SYNE2: variants seen among roughly 807,000 people sequenced by gnomAD.
SYNE2 encodes the protein nesprin-2.
SYNE2 carries 431 observed loss-of-function variants against 856.3 expected under a neutral mutation model. The ratio of observed to expected loss-of-function variants is 0.50; its 90% CI spans 0.47 to 0.55. SYNE2 has a LOEUF of 0.55. Ranked by LOEUF, SYNE2 falls within the 20% of genes least tolerant of loss-of-function variation. SYNE2 has a pLI of 0.00. For synonymous variants in SYNE2, 2,923 were observed against 2,872.3 expected (o/e 1.02, Z -0.56); for missense variants, 8,129 against 8,023.2 (o/e 1.01, Z -0.50).
intron 1 of SYNE2, among the ~76,000 whole-genome samples, chr14:63,821,264 A>G (rs1037167768): frequency 1.3e-5 from 2 of 152,192 alleles, no homozygotes; most frequent in African/African-American, 4.8e-5. Context: ...ACAGCCTGAA[A>G]TAACATTTTG....
At chr14:64,093,219 C>G (rs1247906531) in intron 60 of SYNE2, 130 bp from the exon 61 acceptor site, 1 of 1,026,798 alleles carries the variant, frequency 9.7e-7, no homozygotes. Context: ...CTACCACGTC[C>G]TATTGAAATC....
In SYNE2 at chr14:64,009,470, A is replaced by G. The variant is rs552574495; in HGVS notation, c.4578-496A>G. On this transcript the variant is annotated intron_variant, in intron 31 of 115. Transcript: ENST00000555002. ...AGAATTGCTTGAATCCAGGAGGCGG[A>G]CGTTGCAGTGAGCCAGGATCACACC... 3.4e-5 allele frequency among the ~76,000 whole-genome samples: 5 copies of G among 147,210 alleles called. No homozygotes were observed. In the South Asian group the frequency reaches 8.7e-4, roughly 26 times the overall value.
intron 108 of SYNE2, among the ~76,000 whole-genome samples, chr14:64,217,520 A>AG (rs2140310603): frequency 6.6e-6 from 1 of 152,348 alleles, no homozygotes; most frequent in South Asian, 2.1e-4. Context: ...TTTGTGTCCA[A>AG]TTCAGAAACA....
At chr14:63,780,281 C>A (rs1000507430) in intron 1 of SYNE2, among the ~76,000 whole-genome samples, 5 of 152,022 alleles carry the variant, frequency 3.3e-5, no homozygotes, top group African/African-American at 7.2e-5. Flanking sequence ...TGCCTGTAAT[C>A]CCAGCACTTT....
chr14:64,034,424 G>T lies in SYNE2; in HGVS notation c.7221+3067G>T, dbSNP rs141029006. The T allele has an allele frequency of 1.5e-3, 666 of 439,880 alleles. 5 individuals carry two copies. Among genetic ancestry groups the T allele is most frequent in the African/African-American group, 0.011 (575 of 50,450 alleles). 27.2% of individuals were successfully genotyped at this position (439,880 alleles called of 1,614,324 possible). The stretch of plus-strand genomic sequence containing the variant: ...GGCTTTTATCAGATTATTTTAAATA[G>T]ACCCCAGAAGAATTTTTAGAAAGTT... On this transcript the variant is annotated intron_variant, in intron 45 of 115. Coordinates refer to ENST00000555002, the MANE Select transcript of SYNE2 (RefSeq NM_182914.3).
chr14:63,783,480 G>T (rs1566563750), intron 1 of SYNE2, among the ~76,000 whole-genome samples: 1 of 151,964 alleles, frequency 6.6e-6, no homozygotes, highest in East Asian at 1.9e-4. Context: ...CGGGTTCAAG[G>T]AATTCTCCTG....
intron 58 of SYNE2, among the ~76,000 whole-genome samples, chr14:64,088,110 G>C (rs2097577999): frequency 6.6e-6 from 1 of 152,210 alleles, no homozygotes; most frequent in African/African-American, 2.4e-5. Context: ...TTGAACCTGG[G>C]AGGCAGAGGT....
intron 1 of SYNE2, among the ~76,000 whole-genome samples, chr14:63,867,396 AAAG>A (rs1895657055): frequency 2.7e-5 from 4 of 148,774 alleles, no homozygotes; most frequent in South Asian, 2.1e-4. Context: ...AAAAAAAAAA[AAAG>A]AGAGAGAGAG....
intron 50 of SYNE2, among the ~76,000 whole-genome samples, chr14:64,064,853 CTTTT>C (rs34550127): frequency 3.2e-5 from 4 of 123,696 alleles, no homozygotes; most frequent in Admixed American, 1.6e-4. Flanking sequence ...CACTTATAGA[CTTTT>C]TTTTTTTTTT....
intron 60 of SYNE2, 27 bp from the exon 61 acceptor site, chr14:64,093,322 T>G: frequency 6.2e-7 from 1 of 1,612,788 alleles, no homozygotes; most frequent in Non-Finnish European, 8.5e-7. Context: ...ATGACAAAGA[T>G]TCTTTTTTGT....
At chr14:64,138,016 T>A (rs369033819) in intron 79 of SYNE2, 33 bp downstream of exon 79, 3 of 1,599,168 alleles carry the variant, frequency 1.9e-6, no homozygotes, top group African/African-American at 2.7e-5. Context: ...TGGCTTCATA[T>A]TGTGCTGTGA....
At position 64,107,446 on chromosome 14, in the gene SYNE2, A is replaced by G. The variant is rs955143460; in HGVS notation, c.12493-45A>G. Reference sequence around the variant, plus strand: ...GCGCAGAAAGAAGAATTCATGTGGCACCAGGGCAGGACCCTTTCTGGAGCT... The same window carrying G: ...GCGCAGAAAGAAGAATTCATGTGGCGCCAGGGCAGGACCCTTTCTGGAGCT... On this transcript the variant is annotated intron_variant, in intron 64 of 115. Coordinates refer to ENST00000555002, the MANE Select transcript of SYNE2 (RefSeq NM_182914.3). The G allele has an allele frequency of 4.6e-6, 7 of 1,528,478 alleles. No individual in the cohort carries two copies. The African/African-American group carries it at 6.8e-5, about 15-fold the overall frequency. The allele number at this position is 1,528,478 out of a possible 1,614,324, so 94.7% of individuals were successfully genotyped here. A position where few individuals can be genotyped will look rare whatever the true frequency, so the allele number is the denominator to read the frequency against.
At chr14:63,956,848 C>T (rs1250415360) in intron 8 of SYNE2, among the ~76,000 whole-genome samples, 1 of 152,062 alleles carries the variant, frequency 6.6e-6, no homozygotes, top group Non-Finnish European at 1.5e-5. Flanking sequence ...GGAACCAATT[C>T]CCGTGTATAC....
rs568363258 is a variant in SYNE2 at position 63,842,495 on chromosome 14, T to A, written c.-304-10006T>A. Among the ~76,000 whole-genome samples, 4 of 151,106 alleles carry A rather than the reference T, an allele frequency of 2.6e-5. No homozygotes were observed. The South Asian group carries it at 8.4e-4, about 32-fold the overall frequency. On this transcript the variant is annotated intron_variant, in intron 1 of 23. Coordinates refer to the SYNE2 transcript ENST00000674003. The stretch of plus-strand genomic sequence containing the variant: ...TTTTTATTGATACAGAGTCTTGCTC[T>A]TGTTGCCCAGGCTGGAGCACAATGA...
chr14:63,990,590 A>G (rs1274477813), intron 20 of SYNE2, 21 bp downstream of exon 20: 17 of 1,611,158 alleles, frequency 1.1e-5, no homozygotes, highest in Non-Finnish European at 1.2e-5. Flanking sequence ...AATATTCCCT[A>G]TTTAGTAATT....
At chr14:63,984,067 C>T (rs2096606470) in intron 18 of SYNE2, among the ~76,000 whole-genome samples, 181 bp downstream of exon 18, 1 of 152,092 alleles carries the variant, frequency 6.6e-6, no homozygotes, top group Non-Finnish European at 1.5e-5. Flanking sequence ...CGTGGCAAAA[C>T]CCTGTCTATA....
chr14:63,794,154 A>G (rs1419073254), intron 1 of SYNE2, among the ~76,000 whole-genome samples: 4 of 152,190 alleles, frequency 2.6e-5, no homozygotes, highest in Non-Finnish European at 1.5e-5. Context: ...AGTGAGAAAT[A>G]CAATTCAACA....
chr14:63,833,749 A>G (rs1198605597), intron 1 of SYNE2, among the ~76,000 whole-genome samples: 3 of 152,148 alleles, frequency 2.0e-5, no homozygotes, highest in Non-Finnish European at 2.9e-5. Context: ...AAACTTAATA[A>G]TTTTTGCAAT....
Position 63,961,595 on chromosome 14 carries a change from A to G in SYNE2, c.858A>G (p.Lys286=). The part of the protein sequence containing the change: ...TYVAQFLQYS[K]DAPGTGEEAQ... ...TGGCACAGTTTCTGCAGTATTCCAA[A>G]GATGCCCCTGGGACTGGAGAGGAGG... Residue 286 remains lysine, a synonymous_variant, in exon 9 of 116, where the codon AAA becomes AAG. Coordinates refer to ENST00000555002, the MANE Select transcript of SYNE2 (RefSeq NM_182914.3). The G allele has an allele frequency of 1.9e-6, 3 of 1,614,086 alleles. No homozygotes were observed. Among genetic ancestry groups the G allele is most frequent in the Non-Finnish European group, 2.5e-6 (3 of 1,179,978 alleles).
Sources: gnomAD v4.1 joint callset for allele counts (sites outside exome capture counted in the v4.1 genomes callset) on GRCh38, gnomAD v4.1.1 for gene constraint, MANE v1.5 for transcripts, NCBI Gene and HGNC (gene_info 2026-07-23, HGNC 2026-07-21) for gene names.